The following SENP7 variants were observed in gnomAD, a reference collection of about 807,000 sequenced individuals.
The protein encoded by SENP7 is SUMO specific peptidase 7, also known as sentrin-specific protease 7.
In SENP7, 64 loss-of-function variants were observed where a neutral mutation model predicts 141.2. The observed-to-expected ratio is 0.45, with a 90% CI of 0.37 to 0.56. The LOEUF (loss-of-function observed/expected upper bound fraction) is 0.56. Ranked by LOEUF, SENP7 falls within the 20% of genes least tolerant of loss-of-function variation. SENP7 has a pLI of 0.00. For missense variants in SENP7, 1,025 were observed against 1,212.2 expected (o/e 0.85, Z 2.29); for synonymous variants, 382 against 426.4 (o/e 0.90, Z 1.28).
At chr3:101,348,603 G>A (rs1224352631) in intron 12 of SENP7, among the ~76,000 whole-genome samples, 1 of 152,060 alleles carries the variant, frequency 6.6e-6, no homozygotes, top group East Asian at 1.9e-4. Flanking sequence ...CCGCTATACA[G>A]ATAAGCCACT....
chr3:101,456,596 T>C (rs1006351662), intron 4 of SENP7, among the ~76,000 whole-genome samples: 1 of 152,170 alleles, frequency 6.6e-6, no homozygotes. Flanking sequence ...TATCTTTTTA[T>C]GCTAGGCTGA....
intron 3 of SENP7, among the ~76,000 whole-genome samples, chr3:101,485,289 C>A (rs2064679245): frequency 6.6e-6 from 1 of 151,998 alleles, no homozygotes; most frequent in Admixed American, 6.6e-5. Context: ...CACCTCCTGG[C>A]AGGAGGTCAA....
At chr3:101,367,707 CCA>C in intron 8 of SENP7, 121 bp downstream of exon 8, 1 of 631,278 alleles carries the variant, frequency 1.6e-6, no homozygotes, top group Non-Finnish European at 2.6e-6. Context: ...TAACAGTGAA[CCA>C]AAAACTAAAG....
At chr3:101,327,848 G>A (rs2058944165) in intron 22 of SENP7, 32 bp from the exon 23 acceptor site, 3 of 1,514,882 alleles carry the variant, frequency 2.0e-6, no homozygotes, top group Non-Finnish European at 2.7e-6. Context: ...AGTGACTAAA[G>A]TAGAAATCTA....
chr3:101,426,768 C>A (rs1216514986), intron 4 of SENP7, among the ~76,000 whole-genome samples: 1 of 152,190 alleles, frequency 6.6e-6, no homozygotes, highest in Non-Finnish European at 1.5e-5. Context: ...AGGCATGAGC[C>A]ATGGCACCCA....
intron 4 of SENP7, chr3:101,457,683 GCC>G: frequency 2.2e-6 from 3 of 1,354,364 alleles, no homozygotes; most frequent in Non-Finnish European, 3.1e-6. Flanking sequence ...GCACACTTGT[GCC>G]TGCAGTTTGG....
chr3:101,400,461 G>C (rs6773536), intron 5 of SENP7, among the ~76,000 whole-genome samples: 102,539 of 150,574 alleles, frequency 0.68, 35,405 homozygotes, highest in African/African-American at 0.78. Context: ...CACTTTGTGT[G>C]TCTGTGTCAC....
At chr3:101,503,533 G>A (rs557694501) in intron 1 of SENP7, among the ~76,000 whole-genome samples, 2 of 152,190 alleles carry the variant, frequency 1.3e-5, no homozygotes, top group African/African-American at 2.4e-5. Flanking sequence ...TTACTGCTAC[G>A]CACAATATGG....
At chr3:101,405,697 G>A (rs1044495245) in intron 5 of SENP7, among the ~76,000 whole-genome samples, 1 of 152,158 alleles carries the variant, frequency 6.6e-6, no homozygotes, top group African/African-American at 2.4e-5. Context: ...GAGGTGAAGG[G>A]AGAAATATTC....
intron 14 of SENP7, among the ~76,000 whole-genome samples, chr3:101,343,166 A>C (rs1341423537): frequency 1.3e-5 from 2 of 152,218 alleles, no homozygotes; most frequent in African/African-American, 4.8e-5. Flanking sequence ...AACTTGGTTA[A>C]AGTGATGTCT....
chr3:101,380,446 CA>C lies in SENP7; in HGVS notation c.678-8321del, dbSNP rs1332039309. ...TAAAGCAAACCACCGCCCCCCCCCC[CA>C]CACACACACACAAAACAAAACATAA... On this transcript the variant is annotated intron_variant, in intron 6 of 23. Coordinates refer to ENST00000394095, the MANE Select transcript of SENP7 (RefSeq NM_020654.5). Among the ~76,000 whole-genome samples, 204 of 34,842 alleles carry C rather than the reference CA, an allele frequency of 5.9e-3. 2 individuals are homozygous for C. Among genetic ancestry groups the C allele is most frequent in the South Asian group, 8.8e-3 (8 of 904 alleles). The allele number at this position is 34,842 out of a possible 152,430, so 22.9% of individuals were successfully genotyped here. A position where few individuals can be genotyped will look rare whatever the true frequency, so the allele number is the denominator to read the frequency against.
chr3:101,437,056 A>G (rs922212386), intron 4 of SENP7, among the ~76,000 whole-genome samples: 6 of 152,252 alleles, frequency 3.9e-5, no homozygotes, highest in Admixed American at 6.5e-5. Context: ...AATGAGATTC[A>G]ATCATGTGCA....
chr3:101,485,714 C>A (rs889546312), intron 3 of SENP7, among the ~76,000 whole-genome samples: 1 of 152,106 alleles, frequency 6.6e-6, no homozygotes, highest in Non-Finnish European at 1.5e-5. Flanking sequence ...AACAACCCCC[C>A]ACCAAAATCA....
intron 17 of SENP7, among the ~76,000 whole-genome samples, chr3:101,335,904 G>A (rs1213652474): frequency 1.3e-5 from 2 of 152,146 alleles, no homozygotes; most frequent in Non-Finnish European, 2.9e-5. Flanking sequence ...GATCCTCGCA[G>A]GTCTTGTCCA....
chr3:101,343,042 A>G (rs1305696208), intron 14 of SENP7, among the ~76,000 whole-genome samples: 1 of 152,146 alleles, frequency 6.6e-6, no homozygotes, highest in Non-Finnish European at 1.5e-5. Flanking sequence ...AATTATATTG[A>G]GATTACATAT....
At chr3:101,433,625 C>G (rs553722492) in intron 4 of SENP7, among the ~76,000 whole-genome samples, 7 of 152,186 alleles carry the variant, frequency 4.6e-5, no homozygotes, top group Non-Finnish European at 5.9e-5. Flanking sequence ...CACTATACTT[C>G]TATGAGACAA....
chr3:101,441,855 T>TGC (rs2062687680), intron 4 of SENP7, among the ~76,000 whole-genome samples: 1 of 152,080 alleles, frequency 6.6e-6, no homozygotes, highest in Non-Finnish European at 1.5e-5. Context: ...AACCACAGAT[T>TGC]CACTTCCTGC....
chr3:101,398,162 TA>T (rs1293693764), intron 6 of SENP7, among the ~76,000 whole-genome samples: 1 of 152,112 alleles, frequency 6.6e-6, no homozygotes, highest in African/African-American at 2.4e-5. Flanking sequence ...AGTCTGAATA[TA>T]AAAATAACGG....
At chr3:101,455,554 A>G (rs2063323490) in intron 4 of SENP7, among the ~76,000 whole-genome samples, 1 of 152,164 alleles carries the variant, frequency 6.6e-6, no homozygotes, top group Non-Finnish European at 1.5e-5. Context: ...AAAATACGCT[A>G]CAAGAGAACT....
Sources: gnomAD v4.1 joint callset for allele counts (sites outside exome capture counted in the v4.1 genomes callset) on GRCh38, gnomAD v4.1.1 for gene constraint, MANE v1.5 for transcripts, NCBI Gene and HGNC (gene_info 2026-07-23, HGNC 2026-07-21) for gene names.